The following PTAR1 variants were observed in gnomAD, a reference collection of about 807,000 sequenced individuals.
PTAR1 encodes protein prenyltransferase alpha subunit repeat containing 1, also known as protein prenyltransferase alpha subunit repeat-containing protein 1.
A neutral mutation model predicts 45.5 loss-of-function variants in PTAR1; 17 were observed. The observed-to-expected ratio is 0.37, with a 90% CI of 0.26 to 0.56. The LOEUF (loss-of-function observed/expected upper bound fraction) is 0.56. Ranked by LOEUF, PTAR1 falls within the 20% of genes least tolerant of loss-of-function variation. PTAR1 has a pLI of 0.77. For synonymous variants in PTAR1, 169 were observed against 171.3 expected, an observed-to-expected ratio of 0.99 and a Z score of 0.11; for missense variants, 391 against 476.3, an observed-to-expected ratio of 0.82 and a Z score of 1.67.
chr9:69,725,895 G>A lies in PTAR1; in HGVS notation c.643-2265C>T, dbSNP rs956624303. Among the ~76,000 whole-genome samples the A allele has an allele frequency of 3.3e-5, 5 of 152,052 alleles. No homozygotes were observed. The East Asian group carries it at 7.7e-4, about 24-fold the overall frequency. ...AGTACTGATGGGATAAATGACCTTCGTATGATATACGTTAAATATCTTTCT... is the reference window on the plus strand; with the variant it reads ...AGTACTGATGGGATAAATGACCTTCATATGATATACGTTAAATATCTTTCT... On this transcript the variant is annotated intron_variant, in intron 5 of 7. Coordinates refer to ENST00000340434, the MANE Select transcript of PTAR1 (RefSeq NM_001099666.2).
intron 1 of PTAR1, among the ~76,000 whole-genome samples, chr9:69,751,358 A>C (rs1406191442): frequency 1.3e-5 from 2 of 152,034 alleles, no homozygotes; most frequent in Admixed American, 1.3e-4. Flanking sequence ...AAAAAGGCCC[A>C]TCCACATAAT....
intron 5 of PTAR1, among the ~76,000 whole-genome samples, chr9:69,730,475 A>T (rs1211192397): frequency 6.6e-6 from 1 of 150,616 alleles, no homozygotes; most frequent in Admixed American, 6.7e-5. Context: ...AATCCTCCCC[A>T]TATCTCTTTC....
At chr9:69,725,206 T>C (rs561765848) in intron 5 of PTAR1, among the ~76,000 whole-genome samples, 1 of 152,196 alleles carries the variant, frequency 6.6e-6, no homozygotes, top group African/African-American at 2.4e-5. Flanking sequence ...TTATATAATA[T>C]GAAAACATTT....
intron 3 of PTAR1, among the ~76,000 whole-genome samples, chr9:69,739,097 T>C (rs753318395): frequency 4.7e-4 from 71 of 152,272 alleles, no homozygotes; most frequent in Middle Eastern, 6.8e-3. Context: ...TGAGCCACCA[T>C]GCCCGGCCAA....
chr9:69,723,198 A>G, intron 6 of PTAR1, 128 bp downstream of exon 6: 1 of 745,134 alleles, frequency 1.3e-6, no homozygotes, highest in Non-Finnish European at 2.3e-6. Flanking sequence ...GTATTCACTC[A>G]GGCAAAGCTC....
At chr9:69,728,928 T>C (rs1050069909) in intron 5 of PTAR1, among the ~76,000 whole-genome samples, 8 of 152,218 alleles carry the variant, frequency 5.3e-5, no homozygotes, top group East Asian at 1.9e-4. Flanking sequence ...GTTGTGTGTA[T>C]GTATTACTAT....
intron 2 of PTAR1, among the ~76,000 whole-genome samples, chr9:69,747,691 T>C (rs973691215): frequency 5.9e-5 from 9 of 152,152 alleles, no homozygotes; most frequent in African/African-American, 2.2e-4. Flanking sequence ...TATTGCCAGG[T>C]AGAAAGTTGT....
In PTAR1 at chr9:69,712,175, T is replaced by C. The variant is rs1213837375; in HGVS notation, c.*6167A>G. On this transcript the variant is annotated 3_prime_UTR_variant, in exon 8 of 8. Transcript: ENST00000340434. Reference sequence around the variant, plus strand: ...AAGCAATCTAAAGTATGCTGCATAGTACCTTGAGGAAAGTGACTGCTATAC... The same window carrying C: ...AAGCAATCTAAAGTATGCTGCATAGCACCTTGAGGAAAGTGACTGCTATAC... 6.6e-6 allele frequency: 1 copy of C among 152,160 alleles called. No individual in the cohort carries two copies. Among genetic ancestry groups the C allele is most frequent in the Non-Finnish European group, 1.5e-5 (1 of 68,012 alleles). The allele number at this position is 152,160 out of a possible 1,614,324, so 9.4% of individuals were successfully genotyped here.
At chr9:69,759,457 G>C (rs937726007) in intron 1 of PTAR1, among the ~76,000 whole-genome samples, 2 of 152,098 alleles carry the variant, frequency 1.3e-5, no homozygotes, top group Non-Finnish European at 2.9e-5. Flanking sequence ...CCAACGTCCG[G>C]GATGAATCTC....
chr9:69,725,903 T>C (rs977994279), intron 5 of PTAR1, among the ~76,000 whole-genome samples: 1 of 152,156 alleles, frequency 6.6e-6, no homozygotes, highest in Non-Finnish European at 1.5e-5. Flanking sequence ...TCGTATGATA[T>C]ACGTTAAATA....
rs1363772086 is a variant in PTAR1 at position 69,718,656 on chromosome 9, A to C, written c.976T>G (p.Leu326Val). 2 of 1,597,568 alleles carry C rather than the reference A, an allele frequency of 1.3e-6. No homozygotes were observed. The highest frequency in any genetic ancestry group is 8.5e-7 in the Non-Finnish European group (1 of 1,170,584). The change falls in exon 7 of 8, where the codon TTA (leucine) becomes GTA (valine). Residue 326 changes from leucine (L) to valine (V), a missense_variant. This residue lies in a region of PTAR1 where 181 missense variants were observed against 227.7 expected (regional missense o/e 0.80). Coordinates refer to ENST00000340434, the MANE Select transcript of PTAR1 (RefSeq NM_001099666.2). ...ATGCTGTGAGGAAACCTACCATTTA[A>C]GTGATGCTGAAGGTAGAAAATATGC... The part of the protein sequence containing the change: ...RRHIFYLQHH[L>V]NAGSQLSQAM...
At chr9:69,758,858 C>T (rs1186228239) in intron 1 of PTAR1, among the ~76,000 whole-genome samples, 4 of 3,280 alleles carry the variant, frequency 1.2e-3, no homozygotes, top group Non-Finnish European at 2.6e-3. Context: ...AAATAATAAA[C>T]TAAAAAAAAA....
At chr9:69,724,142 G>A (rs934835609) in intron 5 of PTAR1, among the ~76,000 whole-genome samples, 2 of 152,124 alleles carry the variant, frequency 1.3e-5, no homozygotes, top group Non-Finnish European at 2.9e-5. Context: ...GACCGTGTCT[G>A]TCTTGCTCAC....
chr9:69,755,681 A>G (rs968327296), intron 1 of PTAR1, among the ~76,000 whole-genome samples: 1 of 152,176 alleles, frequency 6.6e-6, no homozygotes, highest in East Asian at 1.9e-4. Context: ...CAGCATGACC[A>G]AAAAGGAAAG....
At chr9:69,726,446 T>A (rs1825282415) in intron 5 of PTAR1, among the ~76,000 whole-genome samples, 2 of 152,102 alleles carry the variant, frequency 1.3e-5, no homozygotes, top group South Asian at 4.1e-4. Context: ...GTAACACTCA[T>A]AAATAAATCT....
chr9:69,734,489 G>C (rs1461898431), intron 3 of PTAR1, among the ~76,000 whole-genome samples: 1 of 151,996 alleles, frequency 6.6e-6, no homozygotes, highest in African/African-American at 2.4e-5. Context: ...CTAATAAGCA[G>C]AAAGAGAAGC....
intron 5 of PTAR1, among the ~76,000 whole-genome samples, chr9:69,728,966 A>T (rs1316748577): frequency 6.6e-6 from 1 of 152,182 alleles, no homozygotes. Flanking sequence ...TGTGCCAAGC[A>T]CTGTTTCAAA....
At chr9:69,720,094 C>T (rs1824922760) in intron 6 of PTAR1, among the ~76,000 whole-genome samples, 1 of 152,198 alleles carries the variant, frequency 6.6e-6, no homozygotes, top group South Asian at 2.1e-4. Flanking sequence ...ACAGGTCTCT[C>T]ACTTTAAATC....
At chr9:69,748,223 G>A (rs1044344678) in intron 2 of PTAR1, among the ~76,000 whole-genome samples, 1 of 152,076 alleles carries the variant, frequency 6.6e-6, no homozygotes, top group Admixed American at 6.6e-5. Context: ...GAAAAAGAGA[G>A]AGGAGCAAGA....
Sources: allele counts gnomAD v4.1 joint callset (sites outside exome capture counted in the v4.1 genomes callset), GRCh38; gene constraint gnomAD v4.1.1; regional missense constraint gnomAD v4.1.1; transcripts MANE v1.5; gene names NCBI Gene and HGNC (gene_info 2026-07-23, HGNC 2026-07-21).